Variants in SCD5 observed in about 807,000 individuals in gnomAD.
The protein encoded by SCD5 is stearoyl-CoA desaturase 5.
A neutral mutation model predicts 30.4 loss-of-function variants in SCD5; 20 were observed. The observed-to-expected ratio is 0.66, with a 90% CI of 0.46 to 0.96. SCD5 has a LOEUF of 0.96. Ranked by LOEUF, SCD5 falls within the 40% of genes least tolerant of loss-of-function variation. The pLI is 0.00. For missense variants in SCD5, 381 were observed against 443.3 expected (o/e 0.86, Z 1.26); for synonymous variants, 173 against 176.4 (o/e 0.98, Z 0.16).
intron 1 of SCD5, among the ~76,000 whole-genome samples, chr4:82,770,052 T>C (rs904505046): frequency 6.6e-6 from 1 of 152,224 alleles, no homozygotes; most frequent in African/African-American, 2.4e-5. Context: ...TTTTTTATTA[T>C]ATTTTAAGTT....
chr4:82,740,163 T>C (rs1720843229), intron 1 of SCD5, among the ~76,000 whole-genome samples: 1 of 152,200 alleles, frequency 6.6e-6, no homozygotes, highest in African/African-American at 2.4e-5. Flanking sequence ...ATTTTTAAAA[T>C]GAAAAACCTG....
intron 1 of SCD5, among the ~76,000 whole-genome samples, chr4:82,719,490 G>A (rs1295141489): frequency 1.3e-5 from 2 of 148,646 alleles, no homozygotes; most frequent in African/African-American, 5.1e-5. Flanking sequence ...TACCAATACA[G>A]TTGTAAAATA....
intron 1 of SCD5, among the ~76,000 whole-genome samples, chr4:82,795,567 C>T (rs569584749): frequency 1.2e-3 from 183 of 152,202 alleles, no homozygotes; most frequent in African/African-American, 4.2e-3. Context: ...CAGTGGCTCA[C>T]GCCTGTAATC....
chr4:82,641,448 AATATG>A (rs1239714554), intron 3 of SCD5, among the ~76,000 whole-genome samples: 1 of 152,030 alleles, frequency 6.6e-6, no homozygotes, highest in African/African-American at 2.4e-5. Context: ...AGAGAAGGAG[AATATG>A]ATATATTAAG....
intron 3 of SCD5, among the ~76,000 whole-genome samples, chr4:82,654,387 G>A (rs943553619): frequency 1.3e-5 from 2 of 152,098 alleles, no homozygotes; most frequent in African/African-American, 4.8e-5. Flanking sequence ...TATTTCACTG[G>A]GAATTCATCC....
At chr4:82,749,988 C>A in intron 1 of SCD5, among the ~76,000 whole-genome samples, 1 of 152,306 alleles carries the variant, frequency 6.6e-6, no homozygotes, top group Non-Finnish European at 1.5e-5. Flanking sequence ...CCCAGCTCTA[C>A]GTTTATTAGC....
At chr4:82,747,069 G>GCCACCCCCCCCCCCCC (rs1553918954) in intron 1 of SCD5, among the ~76,000 whole-genome samples, 1 of 139,696 alleles carries the variant, frequency 7.2e-6, no homozygotes, top group Non-Finnish European at 1.6e-5. Flanking sequence ...TGGGCAACCT[G>GCCACCCCCCCCCCCCC]CCCCCCAAGA....
At chr4:82,798,254 A>C in intron 1 of SCD5, 52 bp downstream of exon 1, 1 of 1,427,758 alleles carries the variant, frequency 7.0e-7, no homozygotes, top group Non-Finnish European at 9.2e-7. Flanking sequence ...CGCGCGCCCC[A>C]GCGCGGCCTG....
intron 1 of SCD5, among the ~76,000 whole-genome samples, chr4:82,782,235 A>G (rs1721889002): frequency 6.6e-6 from 1 of 151,908 alleles, no homozygotes; most frequent in Non-Finnish European, 1.5e-5. Flanking sequence ...AGGTGATTAT[A>G]AAAGTCTCCA....
intron 1 of SCD5, among the ~76,000 whole-genome samples, chr4:82,737,124 T>C (rs1428984455): frequency 6.6e-6 from 1 of 152,218 alleles, no homozygotes; most frequent in Non-Finnish European, 1.5e-5. Context: ...AGAAATATTG[T>C]ACTAATTTAT....
intron 1 of SCD5, among the ~76,000 whole-genome samples, chr4:82,735,999 T>C (rs745378010): frequency 6.6e-6 from 1 of 152,162 alleles, no homozygotes; most frequent in African/African-American, 2.4e-5. Flanking sequence ...AAATTTATTA[T>C]TCTTGGCCAC....
rs532160870 is a variant in SCD5, at chr4:82,792,089, C to G, written c.232+6217G>C. Among the ~76,000 whole-genome samples, 8 of 152,052 alleles carry G rather than the reference C, an allele frequency of 5.3e-5. No individual in the cohort carries two copies. In the South Asian group the frequency reaches 1.7e-3, roughly 32 times the overall value. On this transcript the variant is annotated intron_variant, in intron 1 of 4. Transcript: ENST00000319540. ...CCTGACCAACATGAAGAAACCCTGT[C>G]TCTACTAAAAATACAAAATTGGCCA...
chr4:82,693,860 T>C (rs1719621062), intron 2 of SCD5, among the ~76,000 whole-genome samples: 1 of 152,158 alleles, frequency 6.6e-6, no homozygotes, highest in Admixed American at 6.5e-5. Context: ...AGGACTCCAT[T>C]TGGGAAGAGT....
At chr4:82,705,978 G>C (rs1256065227) in intron 1 of SCD5, among the ~76,000 whole-genome samples, 4 of 152,036 alleles carry the variant, frequency 2.6e-5, no homozygotes, top group Non-Finnish European at 5.9e-5. Flanking sequence ...AAGAATAAAC[G>C]GTCCCTGAAT....
At position 82,680,926 on chromosome 4, in the gene SCD5, G is replaced by A. The variant is rs763643253; in HGVS notation, c.364-14C>T. ...GAAGATGTCATTCTGCAGAGAGAAT[G>A]AGAGCCTGAGTGAAGAGAGGAACCG... On this transcript the variant is annotated splice_polypyrimidine_tract_variant and intron_variant, in intron 2 of 4. Coordinates refer to ENST00000319540, the MANE Select transcript of SCD5 (RefSeq NM_001037582.3). 9.3e-6 allele frequency: 15 copies of A among 1,607,712 alleles called. No individual in the cohort carries two copies. The highest frequency in any genetic ancestry group is 1.1e-5 in the Non-Finnish European group (13 of 1,178,562).
At chr4:82,685,893 G>C (rs1183510239) in intron 2 of SCD5, among the ~76,000 whole-genome samples, 2 of 151,926 alleles carry the variant, frequency 1.3e-5, no homozygotes, top group East Asian at 3.8e-4. Flanking sequence ...CCAAGTCTTA[G>C]AGATTTTTCA....
intron 3 of SCD5, among the ~76,000 whole-genome samples, chr4:82,648,022 G>A (rs901131879): frequency 1.3e-5 from 2 of 152,230 alleles, no homozygotes; most frequent in Non-Finnish European, 2.9e-5. Flanking sequence ...AAAAGCTTAT[G>A]TGCTATTATT....
In SCD5 at chr4:82,630,482, G is replaced by A. The variant is rs561155198; in HGVS notation, c.*845C>T. 7.2e-5 allele frequency: 11 copies of A among 152,296 alleles called. No homozygotes were observed. The highest frequency in any genetic ancestry group is 5.2e-4 in the Admixed American group (8 of 15,292). 9.4% of individuals were successfully genotyped at this position (152,296 alleles called of 1,614,324 possible). A position where few individuals can be genotyped will look rare whatever the true frequency, so the allele number is the denominator to read the frequency against. On this transcript the variant is annotated 3_prime_UTR_variant, in exon 5 of 5. Coordinates refer to ENST00000319540, the MANE Select transcript of SCD5 (RefSeq NM_001037582.3). ...GTTTAAAAGCAATGATGGGTTAATT[G>A]GTAGAAAAGAAAACAAATGCTCTCC...
intron 2 of SCD5, among the ~76,000 whole-genome samples, chr4:82,703,569 A>G (rs116279651): frequency 6.6e-6 from 1 of 152,324 alleles, no homozygotes; most frequent in African/African-American, 2.4e-5. Flanking sequence ...ACTTCCATCT[A>G]CAGTGTACTT....
Sources: gnomAD v4.1 joint callset for allele counts (sites outside exome capture counted in the v4.1 genomes callset) on GRCh38, gnomAD v4.1.1 for gene constraint, MANE v1.5 for transcripts, NCBI Gene and HGNC (gene_info 2026-07-23, HGNC 2026-07-21) for gene names.